Variants in ZCCHC7 observed in about 807,000 individuals in gnomAD.
ZCCHC7 encodes the protein zinc finger CCHC domain-containing protein 7.
A neutral mutation model predicts 52.0 loss-of-function variants in ZCCHC7; 35 were observed. The ratio of observed to expected loss-of-function variants is 0.67; its 90% CI spans 0.51 to 0.89. The LOEUF (loss-of-function observed/expected upper bound fraction) is 0.89. ZCCHC7 is among the 40% of genes least tolerant of loss of function. The pLI is 0.00. For synonymous variants in ZCCHC7, 217 were observed against 221.5 expected, an observed-to-expected ratio of 0.98 and a Z score of 0.18; for missense variants, 574 against 649.1, an observed-to-expected ratio of 0.88 and a Z score of 1.26.
At chr9:37,232,445 T>G (rs1825453162) in intron 2 of ZCCHC7, among the ~76,000 whole-genome samples, 1 of 152,168 alleles carries the variant, frequency 6.6e-6, no homozygotes, top group Non-Finnish European at 1.5e-5. Context: ...AGCATCTGGG[T>G]GTGTGGGAGA....
chr9:37,189,037 G>A (rs1222102441), intron 2 of ZCCHC7, among the ~76,000 whole-genome samples: 1 of 117,242 alleles, frequency 8.5e-6, no homozygotes, highest in Non-Finnish European at 1.7e-5. Context: ...CTATAAATCT[G>A]TCAGCTATCT....
At chr9:37,216,878 T>G (rs1474084642) in intron 2 of ZCCHC7, among the ~76,000 whole-genome samples, 1 of 152,152 alleles carries the variant, frequency 6.6e-6, no homozygotes, top group Non-Finnish European at 1.5e-5. Flanking sequence ...AAAATGTTCT[T>G]AAGTAGTTTT....
rs191673203 is a variant in ZCCHC7 at position 37,330,641 on chromosome 9, A to G, written c.987+2807A>G. Among the ~76,000 whole-genome samples the G allele has an allele frequency of 2.0e-5, 3 of 151,864 alleles. No homozygotes were observed. The East Asian group carries it at 5.8e-4, about 29-fold the overall frequency. ...TCAAAAATGTTTAGAATGCTTTTAA[A>G]TGTTTAATAATATAGCTAAAATATA... On this transcript the variant is annotated intron_variant, in intron 6 of 8. Transcript: ENST00000336755.
chr9:37,200,979 G>C (rs1175448166), intron 2 of ZCCHC7, among the ~76,000 whole-genome samples: 3 of 152,228 alleles, frequency 2.0e-5, no homozygotes, highest in Non-Finnish European at 4.4e-5. Context: ...GAGTGTGAGG[G>C]AAGGACAGTG....
intron 2 of ZCCHC7, among the ~76,000 whole-genome samples, chr9:37,202,154 A>G (rs905628998): frequency 2.0e-5 from 3 of 152,244 alleles, no homozygotes; most frequent in African/African-American, 7.2e-5. Context: ...CTTTGGATTC[A>G]GTTTGTATTA....
At chr9:37,329,905 C>A (rs1030619436) in intron 6 of ZCCHC7, among the ~76,000 whole-genome samples, 6 of 151,750 alleles carry the variant, frequency 4.0e-5, no homozygotes, top group Admixed American at 6.6e-5. Flanking sequence ...AACTCTGGAG[C>A]TTTCTACACT....
intron 4 of ZCCHC7, among the ~76,000 whole-genome samples, chr9:37,305,051 A>C (rs1189659934): frequency 6.6e-6 from 1 of 152,228 alleles, no homozygotes; most frequent in Non-Finnish European, 1.5e-5. Context: ...CCTTTGGAAC[A>C]ACACAGAACT....
chr9:37,131,268 A>T (rs1009949662), intron 2 of ZCCHC7, among the ~76,000 whole-genome samples: 2 of 151,298 alleles, frequency 1.3e-5, no homozygotes, highest in African/African-American at 2.4e-5. Context: ...TGAACCTGGG[A>T]GGCAGAGTTT....
intron 2 of ZCCHC7, among the ~76,000 whole-genome samples, chr9:37,172,025 C>G (rs566517730): frequency 6.6e-6 from 1 of 152,198 alleles, no homozygotes; most frequent in Admixed American, 6.5e-5. Flanking sequence ...TTTTTGTACA[C>G]TTGGTTTAAT....
chr9:37,233,436 T>G (rs891094553), intron 2 of ZCCHC7, among the ~76,000 whole-genome samples: 2 of 152,224 alleles, frequency 1.3e-5, no homozygotes, highest in African/African-American at 4.8e-5. Flanking sequence ...AGATTTTTAT[T>G]AATTGTGATT....
intron 2 of ZCCHC7, among the ~76,000 whole-genome samples, chr9:37,221,807 A>C (rs1824827134): frequency 6.6e-6 from 1 of 152,204 alleles, no homozygotes; most frequent in South Asian, 2.1e-4. Context: ...ATTTTTTAAA[A>C]AGTTTTTTTT....
intron 6 of ZCCHC7, among the ~76,000 whole-genome samples, chr9:37,345,737 T>C (rs554414432): frequency 6.7e-6 from 1 of 149,938 alleles, no homozygotes; most frequent in Non-Finnish European, 1.5e-5. Flanking sequence ...AAAAAAAAAC[T>C]CTTGTTTAAT....
chr9:37,278,036 GTTTTGTTT>G (rs762841473), intron 2 of ZCCHC7, among the ~76,000 whole-genome samples: 5 of 97,728 alleles, frequency 5.1e-5, no homozygotes, highest in Admixed American at 9.7e-5. Context: ...GTGTGTGTGT[GTTTTGTTT>G]TGTTTTGTTT....
At chr9:37,202,097 T>C (rs1160621473) in intron 2 of ZCCHC7, among the ~76,000 whole-genome samples, 1 of 152,250 alleles carries the variant, frequency 6.6e-6, no homozygotes, top group Admixed American at 6.5e-5. Flanking sequence ...TCTGATATAA[T>C]GCATAAAAAT....
rs991027370 is a variant in ZCCHC7 at position 37,175,070 on chromosome 9, A to G, written c.610+48128A>G. Among the ~76,000 whole-genome samples the G allele has an allele frequency of 3.3e-5, 5 of 151,286 alleles. No homozygotes were observed. In the East Asian group the frequency reaches 7.8e-4, roughly 24 times the overall value. On this transcript the variant is annotated intron_variant, in intron 2 of 8. Transcript: ENST00000336755. ...AGAATTGCGTGAACCCGGGAGGTGGATCGTGCCACTGCACTCCAACCTGGA... is the reference window on the plus strand; with the variant it reads ...AGAATTGCGTGAACCCGGGAGGTGGGTCGTGCCACTGCACTCCAACCTGGA...
intron 2 of ZCCHC7, among the ~76,000 whole-genome samples, chr9:37,131,375 G>A (rs1842776732): frequency 6.6e-6 from 1 of 151,030 alleles, no homozygotes; most frequent in Non-Finnish European, 1.5e-5. Flanking sequence ...GCCGGGCATG[G>A]TGGCTCACAC....
At chr9:37,307,545 G>A (rs559963272) in intron 5 of ZCCHC7, among the ~76,000 whole-genome samples, 94 of 152,112 alleles carry the variant, frequency 6.2e-4, no homozygotes, top group African/African-American at 2.2e-3. Flanking sequence ...AATAATAAAA[G>A]TACTTTAATA....
chr9:37,342,963 G>A (rs766382375), intron 6 of ZCCHC7, among the ~76,000 whole-genome samples: 7 of 152,160 alleles, frequency 4.6e-5, no homozygotes, highest in African/African-American at 7.2e-5. Context: ...GCCCCCAGTC[G>A]TTAAAATACT....
intron 6 of ZCCHC7, among the ~76,000 whole-genome samples, chr9:37,348,835 CT>C (rs1488653136): frequency 6.6e-6 from 1 of 152,208 alleles, no homozygotes; most frequent in Non-Finnish European, 1.5e-5. Context: ...CATGTATGCT[CT>C]TTTTTAGTTC....
Sources: gnomAD v4.1 joint callset for allele counts (sites outside exome capture counted in the v4.1 genomes callset) on GRCh38, gnomAD v4.1.1 for gene constraint, MANE v1.5 for transcripts, NCBI Gene and HGNC (gene_info 2026-07-23, HGNC 2026-07-21) for gene names.